Variants in PAK2 observed in about 807,000 individuals in gnomAD.
PAK2 encodes the protein serine/threonine-protein kinase PAK 2.
In PAK2, 21 loss-of-function variants were observed where a neutral mutation model predicts 65.9. The ratio of observed to expected loss-of-function variants is 0.32; its 90% CI spans 0.23 to 0.46. PAK2 has a LOEUF of 0.46. Among genes scored for constraint, PAK2 ranks in the 20% least tolerant of loss-of-function variants. The pLI is 1.00. For synonymous variants in PAK2, 204 were observed against 219.7 expected (o/e 0.93, Z 0.63); for missense variants, 324 against 642.6 (o/e 0.50, Z 5.36).
At position 196,814,496 on chromosome 3, in the gene PAK2, T is replaced by C; in HGVS notation, c.981T>C (p.Ala327=). 6.4e-7 allele frequency: 1 copy of C among 1,550,700 alleles called. No individual in the cohort carries two copies. The highest frequency in any genetic ancestry group is 8.9e-7 in the Non-Finnish European group (1 of 1,127,990). Residue 327 remains alanine (A), a synonymous_variant, in exon 11 of 15, where the codon GCT becomes GCC. Transcript: ENST00000327134. ...TGTTTGTGGTCATGGAATACCTTGC[T>C]GGGGGGTCACTCACTGATGTGGTAA... is the stretch of plus-strand genomic sequence containing the variant. ...DELFVVMEYL[A]GGSLTDVVTE...
intron 2 of PAK2, among the ~76,000 whole-genome samples, chr3:196,796,180 T>C (rs190832283): frequency 6.0e-4 from 92 of 152,276 alleles, no homozygotes; most frequent in African/African-American, 2.2e-3. Flanking sequence ...GTTTGTGGCC[T>C]GGGGGCTGGG....
At chr3:196,745,401 G>A (rs1297558403) in intron 1 of PAK2, among the ~76,000 whole-genome samples, 1 of 150,796 alleles carries the variant, frequency 6.6e-6, no homozygotes, top group African/African-American at 2.5e-5. Context: ...TGGGATTACA[G>A]GCGTGAGCCA....
intron 8 of PAK2, among the ~76,000 whole-genome samples, chr3:196,811,839 A>G (rs774205714): frequency 2.6e-5 from 4 of 152,094 alleles, no homozygotes; most frequent in Admixed American, 6.6e-5. Flanking sequence ...ATACAGGATA[A>G]ACACCAAATA....
intron 1 of PAK2, among the ~76,000 whole-genome samples, chr3:196,766,273 A>G (rs1714163785): frequency 1.3e-5 from 2 of 152,190 alleles, no homozygotes; most frequent in African/African-American, 4.8e-5. Context: ...CAGTAGAGGA[A>G]ATATGATACA....
intron 7 of PAK2, among the ~76,000 whole-genome samples, chr3:196,810,007 A>G (rs1715721723): frequency 6.6e-6 from 1 of 152,082 alleles, no homozygotes; most frequent in Admixed American, 6.6e-5. Context: ...GTCAGAGCAT[A>G]GTAATTTTTA....
intron 2 of PAK2, among the ~76,000 whole-genome samples, chr3:196,798,076 G>A (rs1282479430): frequency 6.6e-6 from 1 of 152,060 alleles, no homozygotes; most frequent in Non-Finnish European, 1.5e-5. Context: ...GAAATCCAAA[G>A]TAAGTAGAAG....
chr3:196,783,957 C>T (rs144175306), intron 2 of PAK2, among the ~76,000 whole-genome samples: 139 of 152,308 alleles, frequency 9.1e-4, no homozygotes, highest in Non-Finnish European at 1.7e-3. Context: ...TTTATTTGGC[C>T]AGTCTCCTAT....
rs2108781849 is a variant in PAK2, at chr3:196,831,609, T to G, written c.*3204T>G. 6.6e-6 allele frequency: 1 copy of G among 152,360 alleles called. No homozygotes were observed. The highest frequency in any genetic ancestry group is 2.1e-4 in the South Asian group (1 of 4,830). The allele number at this position is 152,360 out of a possible 1,614,324, so 9.4% of individuals were successfully genotyped here. ...AACCTGTGCCTCTAACAAGCGATTC[T>G]AAACCACCTATGAGTATTTCTTTTA... On this transcript the variant is annotated 3_prime_UTR_variant, in exon 15 of 15. Transcript: ENST00000327134.
chr3:196,812,914 G>A (rs949450923), intron 10 of PAK2, 63 bp downstream of exon 10: 47 of 744,014 alleles, frequency 6.3e-5, no homozygotes, highest in African/African-American at 1.4e-4. Flanking sequence ...TCATGGTTTC[G>A]GGGGTGGGGC....
At position 196,830,240 on chromosome 3, in the gene PAK2, AT is replaced by A. The variant is rs1712028378; in HGVS notation, c.*1837del. The A allele has an allele frequency of 6.6e-6, 1 of 152,200 alleles. No homozygotes were observed. Among genetic ancestry groups the A allele is most frequent in the Non-Finnish European group, 1.5e-5 (1 of 68,034 alleles). The allele number at this position is 152,200 out of a possible 1,614,324, so 9.4% of individuals were successfully genotyped here. On this transcript the variant is annotated 3_prime_UTR_variant, in exon 15 of 15. Coordinates refer to ENST00000327134, the MANE Select transcript of PAK2 (RefSeq NM_002577.4). ...GATTTTCAGAAAAATGAGTAAAATA[AT>A]TAATGAAACATATTTAGAGCACTTA...
rs373821543 is a variant in PAK2, at chr3:196,814,584, T to C, written c.1053+16T>C. Reference sequence around the variant, plus strand: ...ATGCAGAGAGGTAGGTTTGCCTCCTTCTTGATATGTTATGGTGATATGTGG... The same window carrying C: ...ATGCAGAGAGGTAGGTTTGCCTCCTCCTTGATATGTTATGGTGATATGTGG... On this transcript the variant is annotated intron_variant, in intron 11 of 14. Transcript: ENST00000327134. The C allele has an allele frequency of 5.2e-5, 51 of 976,448 alleles. No homozygotes were observed. Among genetic ancestry groups the C allele is most frequent in the African/African-American group, 9.6e-5 (6 of 62,484 alleles). The allele number at this position is 976,448 out of a possible 1,614,324, so 60.5% of individuals were successfully genotyped here.
chr3:196,749,689 C>T (rs534157735), intron 1 of PAK2, among the ~76,000 whole-genome samples: 1 of 152,252 alleles, frequency 6.6e-6, no homozygotes, highest in East Asian at 1.9e-4. Flanking sequence ...AACTTTCTTC[C>T]AAAGTGGCTG....
At chr3:196,775,532 A>C (rs1001424714) in intron 1 of PAK2, among the ~76,000 whole-genome samples, 1 of 151,946 alleles carries the variant, frequency 6.6e-6, no homozygotes, top group Non-Finnish European at 1.5e-5. Context: ...ACAGGCGCCC[A>C]CCACCACAAC....
chr3:196,755,620 G>A (rs1713742478), intron 1 of PAK2, among the ~76,000 whole-genome samples: 1 of 152,060 alleles, frequency 6.6e-6, no homozygotes, highest in Non-Finnish European at 1.5e-5. Flanking sequence ...CACCACGCCT[G>A]GCTAATTTTG....
At position 196,800,573 on chromosome 3, in the gene PAK2, C is replaced by T. The variant is rs568245781; in HGVS notation, c.188-1354C>T. 2.0e-5 allele frequency among the ~76,000 whole-genome samples: 3 copies of T among 152,250 alleles called. No individual in the cohort carries two copies. In the South Asian group the frequency reaches 6.2e-4, roughly 32 times the overall value. ...CAAAAGAAAAAGAAGACTTATGTGACATAGTTTCAATGCGTATTACAAAAT... is the reference window on the plus strand; with the variant it reads ...CAAAAGAAAAAGAAGACTTATGTGATATAGTTTCAATGCGTATTACAAAAT... On this transcript the variant is annotated intron_variant, in intron 2 of 14. Transcript: ENST00000327134.
chr3:196,756,786 A>C (rs1423892085), intron 1 of PAK2, among the ~76,000 whole-genome samples: 1 of 152,200 alleles, frequency 6.6e-6, no homozygotes, highest in Non-Finnish European at 1.5e-5. Context: ...TAGTGAGCTG[A>C]GATTGTGCCA....
intron 1 of PAK2, among the ~76,000 whole-genome samples, chr3:196,762,234 C>G (rs1267931072): frequency 2.8e-5 from 3 of 107,468 alleles, no homozygotes; most frequent in South Asian, 6.1e-4. Flanking sequence ...GGCAGAGGGG[C>G]TCCTCACATC....
chr3:196,754,948 G>T (rs538783623), intron 1 of PAK2, among the ~76,000 whole-genome samples: 1 of 152,332 alleles, frequency 6.6e-6, no homozygotes, highest in East Asian at 1.9e-4. Flanking sequence ...GCGATGGCTA[G>T]TAGGGAGAGA....
Position 196,807,830 on chromosome 3 carries a change from T to G in PAK2, c.625T>G (p.Ser209Ala). The G allele has an allele frequency of 1.2e-6, 2 of 1,613,012 alleles. No homozygotes were observed. Among genetic ancestry groups the G allele is most frequent in the Non-Finnish European group, 1.7e-6 (2 of 1,179,398 alleles). The change falls in exon 7 of 15, where the codon TCA (serine) becomes GCA (alanine). Residue 209 changes from serine (S) to alanine (A), a missense_variant. By Grantham distance (99) the Ser-to-Ala change is moderately conservative. Coordinates refer to ENST00000327134, the MANE Select transcript of PAK2 (RefSeq NM_002577.4). ...CCCTGTTCCTGCACCAGTTGGTGAT[T>G]CACATGTTGATGGTGCTGCCAAGTC... The part of the protein sequence containing the change: ...IDPVPAPVGD[S>A]HVDGAAKSLD...
Sources: allele counts gnomAD v4.1 joint callset (sites outside exome capture counted in the v4.1 genomes callset), GRCh38; gene constraint gnomAD v4.1.1; transcripts MANE v1.5; gene names NCBI Gene and HGNC (gene_info 2026-07-23, HGNC 2026-07-21).